Variants in STAU2 observed in about 807,000 individuals in gnomAD.
STAU2 encodes staufen double-stranded RNA binding protein 2, also known as double-stranded RNA-binding protein Staufen homolog 2.
Under a neutral mutation model 65.9 loss-of-function variants are expected in STAU2, and 20 were observed. The observed-to-expected ratio is 0.30, with a 90% CI of 0.21 to 0.44. STAU2 has a LOEUF of 0.44. Among genes scored for constraint, STAU2 ranks in the 20% least tolerant of loss-of-function variants. STAU2 has a pLI of 1.00. For synonymous variants in STAU2, 232 were observed against 233.9 expected (o/e 0.99, Z 0.07); for missense variants, 558 against 683.9 (o/e 0.82, Z 2.05).
At chr8:73,621,876 A>C (rs1479357254) in intron 6 of STAU2, among the ~76,000 whole-genome samples, 2 of 151,642 alleles carry the variant, frequency 1.3e-5, no homozygotes, top group Non-Finnish European at 2.9e-5. Context: ...GGCCCATGTG[A>C]CTTGGCAATT....
chr8:73,627,208 C>CGGGGGGGGGGGGGG (rs965072522), intron 6 of STAU2, among the ~76,000 whole-genome samples: 1 of 2,270 alleles, frequency 4.4e-4, no homozygotes, highest in Non-Finnish European at 6.8e-3. Flanking sequence ...AGGAATACGG[C>CGGGGGGGGGGGGGG]GGGGGGGGGG....
At chr8:73,687,822 C>G (rs1346061393) in intron 5 of STAU2, among the ~76,000 whole-genome samples, 2 of 151,950 alleles carry the variant, frequency 1.3e-5, no homozygotes, top group African/African-American at 2.4e-5. Context: ...CGCCATTCTC[C>G]TGCCTCGGCC....
At chr8:73,556,892 CATT>C (rs543377955) in intron 12 of STAU2, among the ~76,000 whole-genome samples, 114 of 152,170 alleles carry the variant, frequency 7.5e-4, no homozygotes, top group African/African-American at 2.6e-3. Context: ...AAACTGTAGA[CATT>C]ATGTGCAGTT....
At chr8:73,588,888 C>T (rs1024942603) in intron 11 of STAU2, among the ~76,000 whole-genome samples, 2 of 152,048 alleles carry the variant, frequency 1.3e-5, no homozygotes, top group African/African-American at 2.4e-5. Context: ...CCACCTCTGA[C>T]ATCCAGGCTC....
In STAU2 at chr8:73,673,107, C is replaced by T. The variant is rs746013466; in HGVS notation, c.410G>A (p.Arg137Lys). 6.4e-7 allele frequency: 1 copy of T among 1,563,832 alleles called. No individual in the cohort carries two copies. The highest frequency in any genetic ancestry group is 8.6e-7 in the Non-Finnish European group (1 of 1,157,802). The part of the protein sequence containing the change: ...NYNFRGMYNQ[R>K]YHCPVPKIFY... The stretch of plus-strand genomic sequence containing the variant: ...ACAAAACCAAAAAAGACATACAAAC[C>T]TCTGATTGTACATGCCCCGAAAGTT... The change falls in exon 6 of 15, where the codon AGG (arginine) becomes AAG (lysine). Residue 137 changes from arginine (R) to lysine (K), a missense_variant and splice_region_variant. By Grantham distance (26) the Arg-to-Lys change is conservative. Around this residue, in one of 3 missense-constraint regions of STAU2, gnomAD observed 199 missense variants for 299.5 expected, o/e 0.66. Coordinates refer to ENST00000524300, the MANE Select transcript of STAU2 (RefSeq NM_001164380.2).
intron 13 of STAU2, among the ~76,000 whole-genome samples, chr8:73,487,257 G>T (rs1820964392): frequency 6.6e-6 from 1 of 152,176 alleles, no homozygotes; most frequent in Admixed American, 6.5e-5. Context: ...TTACCTCTAG[G>T]AAGGACTCTG....
At chr8:73,670,810 T>C (rs1219314028) in intron 6 of STAU2, among the ~76,000 whole-genome samples, 1 of 151,872 alleles carries the variant, frequency 6.6e-6, no homozygotes, top group African/African-American at 2.4e-5. Context: ...CCAGCAAATA[T>C]CTGATCAAAT....
chr8:73,615,812 A>G, intron 7 of STAU2, 30 bp from the exon 8 acceptor site: 3 of 1,500,302 alleles, frequency 2.0e-6, no homozygotes, highest in Non-Finnish European at 2.8e-6. Context: ...ATAACACTGA[A>G]TCTTGACATT....
intron 5 of STAU2, among the ~76,000 whole-genome samples, chr8:73,686,152 C>T (rs1427532364): frequency 1.3e-5 from 2 of 152,158 alleles, no homozygotes; most frequent in Non-Finnish European, 2.9e-5. Flanking sequence ...CGGTGGCTCA[C>T]GCCTGTAATC....
chr8:73,721,685 C>T (rs766415802), intron 3 of STAU2, among the ~76,000 whole-genome samples: 3 of 152,146 alleles, frequency 2.0e-5, no homozygotes, highest in Non-Finnish European at 4.4e-5. Context: ...GGAAATATTC[C>T]TTGCTCTCAA....
chr8:73,477,902 A>G (rs1333816357), intron 13 of STAU2, among the ~76,000 whole-genome samples: 1 of 152,130 alleles, frequency 6.6e-6, no homozygotes, highest in African/African-American at 2.4e-5. Flanking sequence ...AAAGTTGAAA[A>G]CATGGAGAAT....
chr8:73,729,535 G>A (rs1036704610), intron 3 of STAU2, among the ~76,000 whole-genome samples: 2 of 151,898 alleles, frequency 1.3e-5, no homozygotes, highest in Non-Finnish European at 2.9e-5. Flanking sequence ...TAAATATTTG[G>A]TAGAATCCAC....
intron 13 of STAU2, 63 bp downstream of exon 13, chr8:73,551,949 T>C: frequency 1.3e-6 from 2 of 1,511,674 alleles, no homozygotes; most frequent in Admixed American, 2.3e-5. Flanking sequence ...TTGTGATGTA[T>C]ACAGATGAAG....
At chr8:73,630,046 A>G (rs1260085832) in intron 6 of STAU2, among the ~76,000 whole-genome samples, 4 of 152,230 alleles carry the variant, frequency 2.6e-5, no homozygotes, top group Admixed American at 6.5e-5. Context: ...ACATTTGCTA[A>G]AATAGTACAG....
At chr8:73,488,641 T>C (rs1297784456) in intron 13 of STAU2, among the ~76,000 whole-genome samples, 1 of 151,696 alleles carries the variant, frequency 6.6e-6, no homozygotes, top group Non-Finnish European at 1.5e-5. Context: ...CATTTATGAG[T>C]TGCTTTTAAC....
intron 13 of STAU2, among the ~76,000 whole-genome samples, chr8:73,474,145 A>G (rs1166463723): frequency 2.0e-5 from 3 of 152,146 alleles, no homozygotes; most frequent in Non-Finnish European, 4.4e-5. Context: ...AAACAAAACA[A>G]AACAAAACAA....
At chr8:73,564,647 CT>C (rs1280663780) in intron 12 of STAU2, among the ~76,000 whole-genome samples, 1 of 151,956 alleles carries the variant, frequency 6.6e-6, no homozygotes, top group Admixed American at 6.6e-5. Context: ...ATGTGTACCC[CT>C]GAACTTAAAA....
rs571819894 is a variant in STAU2 at position 73,568,921 on chromosome 8, C to T, written c.1222+13849G>A. 1.6e-4 allele frequency among the ~76,000 whole-genome samples: 25 copies of T among 152,246 alleles called. No individual in the cohort carries two copies. The East Asian group carries it at 2.7e-3, about 16-fold the overall frequency. ...CTCCCAGTGTGAGCGATGCAGAAGACGGGTGATTTCTGCATTCCAACTGAG... is the reference window on the plus strand; with the variant it reads ...CTCCCAGTGTGAGCGATGCAGAAGATGGGTGATTTCTGCATTCCAACTGAG... On this transcript the variant is annotated intron_variant, in intron 12 of 14. Coordinates refer to ENST00000524300, the MANE Select transcript of STAU2 (RefSeq NM_001164380.2).
intron 1 of STAU2, among the ~76,000 whole-genome samples, chr8:73,744,110 A>C (rs1807108076): frequency 6.6e-6 from 1 of 152,158 alleles, no homozygotes; most frequent in Non-Finnish European, 1.5e-5. Flanking sequence ...TGAAAAATAA[A>C]AGATTTGCCT....
Sources: gnomAD v4.1 joint callset for allele counts (sites outside exome capture counted in the v4.1 genomes callset) on GRCh38, gnomAD v4.1.1 for gene constraint, gnomAD v4.1.1 regional missense constraint, MANE v1.5 for transcripts, NCBI Gene and HGNC (gene_info 2026-07-23, HGNC 2026-07-21) for gene names.